EPHA10: variants seen among roughly 807,000 people sequenced by gnomAD.
The protein encoded by EPHA10 is ephrin type-A receptor 10.
Under a neutral mutation model 109.7 loss-of-function variants are expected in EPHA10, and 120 were observed. That is an observed-to-expected ratio of 1.09 (90% confidence interval 0.94 to 1.27). The LOEUF is 1.27. Ranked by LOEUF, EPHA10 falls within the 50% of genes most tolerant of loss-of-function variation. The pLI, the probability that EPHA10 is intolerant of heterozygous loss-of-function variation, is 0.00. For synonymous variants in EPHA10, 640 were observed against 618.9 expected (o/e 1.03, Z -0.51); for missense variants, 1,396 against 1,411.1 (o/e 0.99, Z 0.17).
At chr1:37,751,198 T>A (rs1646317696) in intron 5 of EPHA10, among the ~76,000 whole-genome samples, 4 of 48,962 alleles carry the variant, frequency 8.2e-5, no homozygotes, top group African/African-American at 1.8e-4. Flanking sequence ...GCGAGACTCC[T>A]CTCAAAAAAA....
intron 7 of EPHA10, among the ~76,000 whole-genome samples, chr1:37,730,852 C>T (rs778361722): frequency 1.3e-5 from 2 of 151,840 alleles, no homozygotes; most frequent in African/African-American, 2.4e-5. Context: ...CCACCACGCC[C>T]GGCTGATTTT....
intron 5 of EPHA10, among the ~76,000 whole-genome samples, chr1:37,746,959 A>C (rs1468114989): frequency 6.6e-6 from 1 of 152,202 alleles, no homozygotes; most frequent in Non-Finnish European, 1.5e-5. Flanking sequence ...CAAGAGCTAG[A>C]GGAGGTGGAT....
chr1:37,753,046 A>ACGCGCGGCC lies in EPHA10; in HGVS notation c.1178_1186dup (p.Gly393_Arg395dup), dbSNP rs1646353983. ...CCCTGCCTGGCGCGGTAGGAAGGCC[A>ACGCGCGGCC]CGCGCGGCCCGCACGGCTCGCAGGC... On this transcript the variant is annotated inframe_insertion, in exon 5 of 17. Transcript: ENST00000373048. 3 of 1,242,462 alleles carry ACGCGCGGCC rather than the reference A, an allele frequency of 2.4e-6. No homozygotes were observed. Among genetic ancestry groups the ACGCGCGGCC allele is most frequent in the East Asian group, 7.2e-5 (2 of 27,972 alleles). 77.0% of individuals were successfully genotyped at this position (1,242,462 alleles called of 1,614,324 possible).
chr1:37,723,799 G>A (rs1409388375), intron 8 of EPHA10, among the ~76,000 whole-genome samples: 1 of 152,242 alleles, frequency 6.6e-6, no homozygotes, highest in Non-Finnish European at 1.5e-5. Context: ...CACCAGTGCT[G>A]GCAAAGGAGA....
Position 37,761,967 on chromosome 1 carries a change from G to A in EPHA10, c.288C>T (p.Gly96=), listed in dbSNP as rs142351615. The A allele has an allele frequency of 2.6e-5, 42 of 1,614,046 alleles. No individual in the cohort carries two copies. The highest frequency in any genetic ancestry group is 1.6e-4 in the Middle Eastern group (1 of 6,084). ...GTTCCACGAAGATGCGCTGCCCGCG[G>A]CCACGGCTTATCCAGCCAGTCTGCA... ...NWLQTGWISR[G]RGQRIFVELQ... Residue 96 remains glycine (G), a synonymous_variant, in exon 3 of 17, where the codon GGC becomes GGT. Coordinates refer to ENST00000373048, the MANE Select transcript of EPHA10 (RefSeq NM_001099439.2).
rs917263090 is a variant in EPHA10 at position 37,740,129 on chromosome 1, GTATC to G, written c.1358-4743_1358-4740del. On this transcript the variant is annotated intron_variant, in intron 5 of 16. Transcript: ENST00000373048. ...AAAAAAATTATATCCTTTGGACAAC[GTATC>G]TAGTTAACATTACTGTACTATACAT... 2.1e-4 allele frequency among the ~76,000 whole-genome samples: 32 copies of G among 151,976 alleles called. 1 individual carries two copies. The South Asian group carries it at 4.4e-3, about 21-fold the overall frequency.
intron 5 of EPHA10, among the ~76,000 whole-genome samples, chr1:37,738,346 AAC>A (rs1356276208): frequency 6.6e-6 from 1 of 152,122 alleles, no homozygotes; most frequent in Non-Finnish European, 1.5e-5. Flanking sequence ...CAGCGTGGGC[AAC>A]AGAGTGAGAC....
chr1:37,749,371 A>G (rs1203772017), intron 5 of EPHA10, among the ~76,000 whole-genome samples: 1 of 152,048 alleles, frequency 6.6e-6, no homozygotes, highest in Non-Finnish European at 1.5e-5. Context: ...GTGTCAAAAC[A>G]GTTAAGATTG....
At chr1:37,725,728 G>A (rs1278971458) in intron 8 of EPHA10, among the ~76,000 whole-genome samples, 2 of 152,070 alleles carry the variant, frequency 1.3e-5, no homozygotes, top group African/African-American at 2.4e-5. Flanking sequence ...ATGAAGGGGG[G>A]AAGGCTGAGT....
At chr1:37,735,476 G>T (rs1646055205) in intron 5 of EPHA10, 86 bp from the exon 6 acceptor site, 8 of 1,482,310 alleles carry the variant, frequency 5.4e-6, no homozygotes, top group Non-Finnish European at 7.2e-6. Flanking sequence ...GGCGTGCGGG[G>T]CTGTGGGACC....
chr1:37,746,189 C>T (rs551741764), intron 5 of EPHA10, among the ~76,000 whole-genome samples: 1 of 151,626 alleles, frequency 6.6e-6, no homozygotes, highest in South Asian at 2.1e-4. Context: ...CAACCTCCAC[C>T]TCCCAGGTTC....
intron 5 of EPHA10, among the ~76,000 whole-genome samples, chr1:37,750,165 G>GT (rs11374756): frequency 0.35 from 52,747 of 151,920 alleles, 9,179 homozygotes; most frequent in Middle Eastern, 0.47. Context: ...AAGATTATGG[G>GT]TTTTTTCTTC....
rs774735737 is a variant in EPHA10 at position 37,761,799 on chromosome 1, G to A, written c.456C>T (p.Ile152=). ...PRLGGSRPRK[I]DTIAADESFT... is the part of the protein sequence containing the mutation. ...AGCTCTCGTCCGCCGCGATCGTGTC[G>A]ATTTTGCGGGGCCGGCTGCCGCCTA... The change falls in exon 3 of 17, where the codon ATC becomes ATT. Residue 152 remains isoleucine, a synonymous_variant. Coordinates refer to ENST00000373048, the MANE Select transcript of EPHA10 (RefSeq NM_001099439.2). 5 of 1,613,718 alleles carry A rather than the reference G, an allele frequency of 3.1e-6. No individual in the cohort carries two copies. The highest frequency in any genetic ancestry group is 4.2e-6 in the Non-Finnish European group (5 of 1,179,776).
At chr1:37,747,494 T>C (rs1646257301) in intron 5 of EPHA10, among the ~76,000 whole-genome samples, 1 of 143,858 alleles carries the variant, frequency 7.0e-6, no homozygotes, top group East Asian at 2.0e-4. Context: ...GAGGTTGCAG[T>C]GAGCCAAGAT....
In EPHA10 at chr1:37,745,414, C is replaced by T. The variant is rs562322899; in HGVS notation, c.1357+7462G>A. ...TGGTGAGGAGGCAGAGAAACTTGGA[C>T]CCTTGTACTTTGCAGGTAGGAATGC... On this transcript the variant is annotated intron_variant, in intron 5 of 16. Transcript: ENST00000373048. Among the ~76,000 whole-genome samples, 7 of 152,218 alleles carry T rather than the reference C, an allele frequency of 4.6e-5. No individual in the cohort carries two copies. The East Asian group carries it at 1.4e-3, about 29-fold the overall frequency.
chr1:37,747,620 T>C (rs1277591032), intron 5 of EPHA10, among the ~76,000 whole-genome samples: 3 of 147,686 alleles, frequency 2.0e-5, no homozygotes, highest in East Asian at 2.0e-4. Context: ...TCATAAAATA[T>C]AGCCGGGCAT....
At position 37,760,778 on chromosome 1, in the gene EPHA10, T is replaced by C. The variant is rs188560701; in HGVS notation, c.850+627A>G. The C allele has an allele frequency of 5.0e-4, 95 of 190,898 alleles. No homozygotes were observed. In the East Asian group the frequency reaches 7.2e-3, roughly 15 times the overall value. 11.8% of individuals were successfully genotyped at this position (190,898 alleles called of 1,614,324 possible). Reference sequence around the variant, plus strand: ...AGGCTCTGTTTCTTCATCTGTGAAATAGAGATAAGAATGACTTCCTTTAGG... The same window carrying C: ...AGGCTCTGTTTCTTCATCTGTGAAACAGAGATAAGAATGACTTCCTTTAGG... On this transcript the variant is annotated intron_variant, in intron 3 of 16. Transcript: ENST00000373048.
chr1:37,751,212 A>G (rs1386101372), intron 5 of EPHA10, among the ~76,000 whole-genome samples: 1 of 125,244 alleles, frequency 8.0e-6, no homozygotes, highest in Admixed American at 8.9e-5. Context: ...AAAAAAAAAA[A>G]AAAAAGAAAG....
At chr1:37,733,592 G>T (rs1646024540) in intron 6 of EPHA10, among the ~76,000 whole-genome samples, 1 of 152,068 alleles carries the variant, frequency 6.6e-6, no homozygotes. Flanking sequence ...TGGGGCTCTT[G>T]TCTATACCCT....
Sources: allele counts gnomAD v4.1 joint callset (sites outside exome capture counted in the v4.1 genomes callset), GRCh38; gene constraint gnomAD v4.1.1; transcripts MANE v1.5; gene names NCBI Gene and HGNC (gene_info 2026-07-23, HGNC 2026-07-21).